Variants in CLSTN2 observed in about 807,000 individuals in gnomAD.
CLSTN2 encodes the protein calsyntenin-2.
A neutral mutation model predicts 101.2 loss-of-function variants in CLSTN2; 48 were observed. The ratio of observed to expected loss-of-function variants is 0.47; its 90% confidence interval spans 0.38 to 0.60. The LOEUF is 0.60. Ranked by LOEUF, CLSTN2 falls within the 20% of genes least tolerant of loss-of-function variation. The probability of loss-of-function intolerance (pLI) is 0.00; values close to 1 mark genes in which losing one functional copy is unlikely to be tolerated. For missense variants in CLSTN2, 1,160 were observed against 1,238.2 expected (o/e 0.94, Z 0.95); for synonymous variants, 481 against 463.6 (o/e 1.04, Z -0.48).
At chr3:140,322,272 A>G (rs1386533162) in intron 2 of CLSTN2, among the ~76,000 whole-genome samples, 1 of 152,268 alleles carries the variant, frequency 6.6e-6, no homozygotes, top group Non-Finnish European at 1.5e-5. Context: ...ATGGAAACCA[A>G]CACAGAGTTA....
chr3:140,030,770 G>C (rs1441415460), intron 1 of CLSTN2, among the ~76,000 whole-genome samples: 1 of 152,212 alleles, frequency 6.6e-6, no homozygotes, highest in Admixed American at 6.5e-5. Context: ...TTTTGGAATT[G>C]TTAATTAAAA....
Position 140,173,418 on chromosome 3 carries a change from G to C in CLSTN2, c.110-2533G>C, listed in dbSNP as rs369883182. 5.3e-5 allele frequency among the ~76,000 whole-genome samples: 8 copies of C among 152,324 alleles called. No individual in the cohort carries two copies. The East Asian group carries it at 1.4e-3, about 26-fold the overall frequency. On this transcript the variant is annotated intron_variant, in intron 1 of 16. Transcript: ENST00000458420. ...CTCCCAGCTGCTTTCATGGGCTGAT[G>C]TTGAGTACCTGCAGCTTTTCCAGGC...
At chr3:140,132,379 T>C (rs2009536973) in intron 1 of CLSTN2, among the ~76,000 whole-genome samples, 1 of 152,210 alleles carries the variant, frequency 6.6e-6, no homozygotes, top group Non-Finnish European at 1.5e-5. Flanking sequence ...CTTCCAAAAA[T>C]ATTTTGTAAA....
At chr3:140,022,639 A>G (rs1223606634) in intron 1 of CLSTN2, among the ~76,000 whole-genome samples, 2 of 152,180 alleles carry the variant, frequency 1.3e-5, no homozygotes, top group African/African-American at 4.8e-5. Context: ...AGGGCCAGGA[A>G]GGAGAGTGAC....
At chr3:140,355,229 A>T (rs2087656967) in intron 2 of CLSTN2, among the ~76,000 whole-genome samples, 1 of 152,222 alleles carries the variant, frequency 6.6e-6, no homozygotes. Flanking sequence ...GACATTTCTT[A>T]CTCAATTTTT....
At chr3:140,546,766 G>A (rs1935596007) in intron 10 of CLSTN2, 85 bp downstream of exon 10, 2 of 1,258,292 alleles carry the variant, frequency 1.6e-6, no homozygotes, top group Admixed American at 2.7e-5. Flanking sequence ...CCAGGAAATG[G>A]AGCTTCCTGG....
intron 1 of CLSTN2, among the ~76,000 whole-genome samples, chr3:140,100,130 C>T (rs1045428332): frequency 6.7e-6 from 1 of 149,854 alleles, no homozygotes; most frequent in Non-Finnish European, 1.5e-5. Context: ...ACATTATCCT[C>T]TGTAAGTTGC....
At chr3:140,545,002 G>GA in intron 9 of CLSTN2, among the ~76,000 whole-genome samples, 1 of 152,232 alleles carries the variant, frequency 6.6e-6, no homozygotes, top group Admixed American at 6.5e-5. Flanking sequence ...AATTTCAACA[G>GA]AAAAACCTTT....
At chr3:140,013,843 C>T (rs1346813222) in intron 1 of CLSTN2, among the ~76,000 whole-genome samples, 3 of 152,144 alleles carry the variant, frequency 2.0e-5, no homozygotes, top group Non-Finnish European at 4.4e-5. Context: ...TCTTGAATGC[C>T]CACATCACTG....
chr3:140,234,956 C>A (rs1361247058), intron 2 of CLSTN2, among the ~76,000 whole-genome samples: 1 of 152,182 alleles, frequency 6.6e-6, no homozygotes, highest in Non-Finnish European at 1.5e-5. Context: ...CCACAGAGTT[C>A]CCCTCTTTCC....
Position 140,050,003 on chromosome 3 carries a change from G to A in CLSTN2, c.109+114520G>A, listed in dbSNP as rs528240414. ...GGGTTTAACCAAAGGAAGGTACCTG[G>A]ATTAGCTACCAGGGTCTTGATTTCT... On this transcript the variant is annotated intron_variant, in intron 1 of 16. Coordinates refer to ENST00000458420, the MANE Select transcript of CLSTN2 (RefSeq NM_022131.3). Among the ~76,000 whole-genome samples, 4 of 152,288 alleles carry A rather than the reference G, an allele frequency of 2.6e-5. No homozygotes were observed. In the East Asian group the frequency reaches 7.7e-4, roughly 29 times the overall value.
At chr3:140,195,620 G>A (rs1200529528) in intron 2 of CLSTN2, among the ~76,000 whole-genome samples, 1 of 152,148 alleles carries the variant, frequency 6.6e-6, no homozygotes, top group African/African-American at 2.4e-5. Flanking sequence ...TCCAGAAGAA[G>A]CCAGAATCCA....
At chr3:140,095,789 A>G (rs959663458) in intron 1 of CLSTN2, among the ~76,000 whole-genome samples, 2 of 152,174 alleles carry the variant, frequency 1.3e-5, no homozygotes, top group African/African-American at 4.8e-5. Flanking sequence ...AGTGACGAAC[A>G]TCTGTGTCTC....
chr3:140,181,973 G>C (rs923389580), intron 2 of CLSTN2, among the ~76,000 whole-genome samples: 6 of 152,182 alleles, frequency 3.9e-5, no homozygotes. Context: ...ATGATACACA[G>C]ATATAGCATT....
intron 2 of CLSTN2, among the ~76,000 whole-genome samples, chr3:140,290,757 G>A (rs974662128): frequency 2.6e-5 from 4 of 152,174 alleles, no homozygotes; most frequent in African/African-American, 9.6e-5. Context: ...TGGTCTTCAA[G>A]CCACCTTTAG....
intron 2 of CLSTN2, among the ~76,000 whole-genome samples, chr3:140,239,488 T>C (rs62266226): frequency 0.012 from 1,872 of 152,306 alleles, 12 homozygotes; most frequent in Non-Finnish European, 0.017. Context: ...CATCACTCTT[T>C]TGCATACTTA....
chr3:140,522,430 A>G (rs941131253), intron 8 of CLSTN2, among the ~76,000 whole-genome samples: 1 of 152,208 alleles, frequency 6.6e-6, no homozygotes, highest in African/African-American at 2.4e-5. Flanking sequence ...CATGGTTCCA[A>G]TCCTCCTGGT....
chr3:140,101,678 G>T (rs903716631), intron 1 of CLSTN2, among the ~76,000 whole-genome samples: 36 of 152,192 alleles, frequency 2.4e-4, no homozygotes, highest in African/African-American at 8.7e-4. Flanking sequence ...TTCTTGCAAA[G>T]CTTGGTGTGG....
intron 1 of CLSTN2, among the ~76,000 whole-genome samples, chr3:140,011,416 G>A (rs994977811): frequency 3.3e-5 from 5 of 152,090 alleles, no homozygotes; most frequent in African/African-American, 1.2e-4. Flanking sequence ...CAGACCACCA[G>A]CTCTTCCAAC....
Sources: allele counts gnomAD v4.1 joint callset (sites outside exome capture counted in the v4.1 genomes callset), GRCh38; gene constraint gnomAD v4.1.1; transcripts MANE v1.5; gene names NCBI Gene and HGNC (gene_info 2026-07-23, HGNC 2026-07-21).